The following FAM184B variants were observed in gnomAD, a reference collection of about 807,000 sequenced individuals.
FAM184B encodes protein FAM184B.
FAM184B carries 111 observed loss-of-function variants against 135.9 expected under a neutral mutation model. The observed-to-expected ratio is 0.82, with a 90% CI of 0.70 to 0.96. FAM184B has a LOEUF of 0.96. Among genes scored for constraint, FAM184B ranks in the 40% least tolerant of loss-of-function variants. The pLI, the probability that FAM184B is intolerant of heterozygous loss-of-function variation, is 0.00. For synonymous variants in FAM184B, 552 were observed against 524.8 expected, an observed-to-expected ratio of 1.05 and a Z score of -0.71; for missense variants, 1,375 against 1,323.9, an observed-to-expected ratio of 1.04 and a Z score of -0.60.
At chr4:17,710,700 G>A (rs1222109912) in intron 1 of FAM184B, among the ~76,000 whole-genome samples, 1 of 152,186 alleles carries the variant, frequency 6.6e-6, no homozygotes, top group Non-Finnish European at 1.5e-5. Flanking sequence ...TCTTTGCTGT[G>A]TGAAGAACTG....
At chr4:17,642,006 G>C in intron 13 of FAM184B, 50 bp downstream of exon 13, 1 of 1,479,274 alleles carries the variant, frequency 6.8e-7, no homozygotes. Flanking sequence ...GGGGGGTGGC[G>C]GGGTAGGGGG....
Position 17,633,713 on chromosome 4 carries a change from G to T in FAM184B, c.3065C>A (p.Ser1022Tyr), listed in dbSNP as rs61741403. 15 of 1,545,906 alleles carry T rather than the reference G, an allele frequency of 9.7e-6. No homozygotes were observed. Among genetic ancestry groups the T allele is most frequent in the Non-Finnish European group, 1.3e-5 (15 of 1,144,316 alleles). The stretch of plus-strand genomic sequence containing the variant: ...CCTTGTGGCAGTTTTTGCATCTGTA[G>T]ACTGGTTGGGTTTGTAGGTCCGGCC... ...SCGRTYKPNQ[S>Y]TDAKTATRTP... The change falls in exon 17 of 18, where the codon TCT becomes TAT. Residue 1022 changes from serine to tyrosine, a missense_variant. Ser to Tyr is a moderately radical substitution (Grantham distance 144). Coordinates refer to ENST00000265018, the MANE Select transcript of FAM184B (RefSeq NM_015688.2).
intron 10 of FAM184B, among the ~76,000 whole-genome samples, chr4:17,654,355 T>TTATA (rs1030616827): frequency 3.3e-5 from 5 of 151,858 alleles, no homozygotes; most frequent in Non-Finnish European, 7.4e-5. Context: ...AAACTCTTTT[T>TTATA]TATATATATA....
chr4:17,703,884 TTG>T (rs1479179279), intron 5 of FAM184B, among the ~76,000 whole-genome samples: 1,555 of 150,836 alleles, frequency 0.01, 18 homozygotes, highest in South Asian at 0.025. Context: ...TGAGCCGAGA[TTG>T]CGTCACTGCA....
chr4:17,670,537 G>A (rs1054949884), intron 7 of FAM184B, among the ~76,000 whole-genome samples: 4 of 152,196 alleles, frequency 2.6e-5, no homozygotes, highest in Non-Finnish European at 5.9e-5. Flanking sequence ...ATTGACCATG[G>A]CTATATTTAA....
chr4:17,638,575 C>T (rs186853942), intron 14 of FAM184B, among the ~76,000 whole-genome samples: 11 of 152,276 alleles, frequency 7.2e-5, no homozygotes, highest in South Asian at 2.1e-4. Flanking sequence ...GTTTTGTTCC[C>T]TGCTATAACT....
At chr4:17,721,600 G>A (rs546401753) in intron 1 of FAM184B, among the ~76,000 whole-genome samples, 3 of 152,202 alleles carry the variant, frequency 2.0e-5, no homozygotes, top group South Asian at 4.1e-4. Flanking sequence ...GGGCAGAGCC[G>A]AGGTGAAGGG....
At chr4:17,777,774 G>C (rs1234350971) in intron 1 of FAM184B, among the ~76,000 whole-genome samples, 3 of 152,122 alleles carry the variant, frequency 2.0e-5, no homozygotes, top group African/African-American at 7.2e-5. Flanking sequence ...GTAATGGCTA[G>C]GAAGCAATAT....
chr4:17,749,520 A>T (rs770387022), intron 1 of FAM184B, among the ~76,000 whole-genome samples: 7 of 152,248 alleles, frequency 4.6e-5, no homozygotes, highest in Non-Finnish European at 7.3e-5. Context: ...CTATCAATGG[A>T]AACAGATCTA....
At chr4:17,651,430 C>T (rs190225782) in intron 11 of FAM184B, among the ~76,000 whole-genome samples, 2,147 of 140,752 alleles carry the variant, frequency 0.015, 21 homozygotes, top group Middle Eastern at 0.029. Context: ...CCCAGCTACT[C>T]GGGAGGCTGA....
chr4:17,693,820 T>C (rs966738699), intron 5 of FAM184B, among the ~76,000 whole-genome samples: 2 of 152,110 alleles, frequency 1.3e-5, no homozygotes, highest in Non-Finnish European at 2.9e-5. Context: ...TGAGTCAAAA[T>C]GGTGTGGTTA....
intron 14 of FAM184B, among the ~76,000 whole-genome samples, chr4:17,637,050 G>T (rs753165504): frequency 2.0e-5 from 3 of 151,986 alleles, no homozygotes; most frequent in East Asian, 3.9e-4. Flanking sequence ...TTTTGGAGAC[G>T]GAGTCTCCCT....
chr4:17,776,024 C>A lies in FAM184B; in HGVS notation c.141+5135G>T, dbSNP rs80142045. 7.0e-3 allele frequency among the ~76,000 whole-genome samples: 1,062 copies of A among 152,208 alleles called. 14 individuals carry two copies. Among genetic ancestry groups the A allele is most frequent in the African/African-American group, 0.023 (935 of 41,526 alleles). On this transcript the variant is annotated intron_variant, in intron 1 of 17. Transcript: ENST00000265018. Reference sequence around the variant, plus strand: ...TAAAAATAAATACGTATTTTAGAATCTTTTGGATACATTGATATAGTAAAC... The same window carrying A: ...TAAAAATAAATACGTATTTTAGAATATTTTGGATACATTGATATAGTAAAC...
intron 1 of FAM184B, among the ~76,000 whole-genome samples, chr4:17,759,649 C>T (rs777094645): frequency 1.5e-4 from 23 of 152,230 alleles, no homozygotes; most frequent in Admixed American, 2.6e-4. Context: ...TCCACCACCA[C>T]ATCCAGCTAA....
chr4:17,681,377 G>A (rs1184152833), intron 7 of FAM184B, among the ~76,000 whole-genome samples: 1 of 152,182 alleles, frequency 6.6e-6, no homozygotes, highest in Non-Finnish European at 1.5e-5. Context: ...TAAGCCTTAG[G>A]CAGGTGGCCC....
chr4:17,760,083 C>A (rs555879078), intron 1 of FAM184B, among the ~76,000 whole-genome samples: 2 of 152,128 alleles, frequency 1.3e-5, no homozygotes, highest in African/African-American at 4.8e-5. Flanking sequence ...TACAAATTAT[C>A]ACCTGAGCCT....
Position 17,636,323 on chromosome 4 carries a change from G to A in FAM184B, c.2784+205C>T, listed in dbSNP as rs953040730. On this transcript the variant is annotated intron_variant, in intron 15 of 17. Coordinates refer to ENST00000265018, the MANE Select transcript of FAM184B (RefSeq NM_015688.2). ...GTTTCAACATGGCTAGGCTGGTCCCGAACTCCTGACCTCAAGTGATCCACC... is the reference window on the plus strand; with the variant it reads ...GTTTCAACATGGCTAGGCTGGTCCCAAACTCCTGACCTCAAGTGATCCACC... Among the ~76,000 whole-genome samples, 5 of 152,100 alleles carry A rather than the reference G, an allele frequency of 3.3e-5. No homozygotes were observed. The East Asian group carries it at 7.7e-4, about 24-fold the overall frequency.
At chr4:17,748,898 A>T (rs1718235739) in intron 1 of FAM184B, among the ~76,000 whole-genome samples, 2 of 151,806 alleles carry the variant, frequency 1.3e-5, no homozygotes, top group African/African-American at 4.8e-5. Context: ...GTGCAATCAT[A>T]GCTCACTGCA....
chr4:17,727,026 G>A (rs896504256), intron 1 of FAM184B, among the ~76,000 whole-genome samples: 15 of 152,142 alleles, frequency 9.9e-5, no homozygotes, highest in African/African-American at 3.6e-4. Context: ...TACCTGCTCA[G>A]TATCTCAAAG....
Sources: gnomAD v4.1 joint callset for allele counts (sites outside exome capture counted in the v4.1 genomes callset) on GRCh38, gnomAD v4.1.1 for gene constraint, MANE v1.5 for transcripts, NCBI Gene and HGNC (gene_info 2026-07-23, HGNC 2026-07-21) for gene names.